The following FOXL2NB variants were observed in gnomAD, a reference collection of about 807,000 sequenced individuals.
FOXL2NB encodes FOXL2 neighbor.
In FOXL2NB, 10 loss-of-function variants were observed where a neutral mutation model predicts 7.4. The observed-to-expected ratio is 1.34, with a 90% confidence interval of 0.83 to 2.28. The LOEUF (loss-of-function observed/expected upper bound fraction) is 2.28, where lower values mean the gene tolerates loss of function less well. Among genes scored for constraint, FOXL2NB ranks in the 30% most tolerant of loss-of-function variants. The pLI is 0.00. For synonymous variants in FOXL2NB, 104 were observed against 105.3 expected, an observed-to-expected ratio of 0.99 and a Z score of 0.08; for missense variants, 228 against 233.9, an observed-to-expected ratio of 0.97 and a Z score of 0.17.
At position 138,949,385 on chromosome 3, in the gene FOXL2NB, C is replaced by CGT. The variant is rs1177287932; in HGVS notation, c.101-135_101-134insGT. The stretch of plus-strand genomic sequence containing the variant: ...CCTTTAAAGAGCCTGTGTGTGTATG[C>CGT]ATGTGCGTGTGTGTGTGTGTGTGTG... On this transcript the variant is annotated intron_variant, in intron 1 of 2. Transcript: ENST00000383165. The surrounding 1 kb of genome is among the most constrained non-coding windows in gnomAD (Gnocchi z 4.5). The CGT allele has an allele frequency of 2.2e-6, 2 of 895,504 alleles. No individual in the cohort carries two copies. Among genetic ancestry groups the CGT allele is most frequent in the Non-Finnish European group, 3.2e-6 (2 of 624,324 alleles). The allele number at this position is 895,504 out of a possible 1,614,324, so 55.5% of individuals were successfully genotyped here.
rs754843453 is a variant in FOXL2NB, at chr3:138,949,759, C to T, written c.220+120C>T. The T allele has an allele frequency of 2.1e-6, 3 of 1,429,760 alleles. No individual in the cohort carries two copies. Among genetic ancestry groups the T allele is most frequent in the Middle Eastern group, 1.7e-4 (1 of 5,762 alleles). The allele number at this position is 1,429,760 out of a possible 1,614,324, so 88.6% of individuals were successfully genotyped here. On this transcript the variant is annotated intron_variant, in intron 2 of 2. Transcript: ENST00000383165. This position sits in a 1 kb window ranked among gnomAD's most constrained non-coding sequence, Gnocchi z 4.5. ...GAGGAATCTAGGGAGAGAACAGAAT[C>T]CTCTCCTTGCCGGCCCAGCCAGAGG... is the stretch of plus-strand genomic sequence containing the variant.
Position 138,950,506 on chromosome 3 carries a change from C to T in FOXL2NB, c.462C>T (p.Thr154=), listed in dbSNP as rs113212570. 9.3e-6 allele frequency: 15 copies of T among 1,614,228 alleles called. No homozygotes were observed. In the African/African-American group the frequency reaches 9.3e-5, roughly 10 times the overall value. ...PERERIELAA[T]LCLEGWPLRC... ...GGGAGAGAATAGAGCTTGCTGCAAC[C>T]CTCTGCTTGGAGGGATGGCCTCTGC... The change falls in exon 3 of 3, where the codon ACC becomes ACT. Residue 154 remains threonine (T), a synonymous_variant. Coordinates refer to ENST00000383165, the MANE Select transcript of FOXL2NB (RefSeq NM_001040061.3).
rs1295225186 is a variant in FOXL2NB at position 138,950,655 on chromosome 3, C to G, written c.*83C>G. On this transcript the variant is annotated 3_prime_UTR_variant, in exon 3 of 3. Coordinates refer to ENST00000383165, the MANE Select transcript of FOXL2NB (RefSeq NM_001040061.3). ...CTCACAGGGCCCTTTGCACCCACAC[C>G]TCAGGGACTCGGTGTCCCTCCACTC... is the stretch of plus-strand genomic sequence containing the variant. 2 of 1,451,782 alleles carry G rather than the reference C, an allele frequency of 1.4e-6. No homozygotes were observed. The highest frequency in any genetic ancestry group is 1.4e-5 in the African/African-American group (1 of 70,164). 89.9% of individuals were successfully genotyped at this position (1,451,782 alleles called of 1,614,324 possible).
At chr3:138,950,148 C>A in intron 2 of FOXL2NB, 117 bp from the exon 3 acceptor site, 1 of 1,118,580 alleles carries the variant, frequency 8.9e-7, no homozygotes, top group Non-Finnish European at 1.3e-6. Context: ...AGTGAACCGC[C>A]GATTGAGCGC....
rs1415706431 is a variant in FOXL2NB at position 138,950,261 on chromosome 3, C to T, written c.221-4C>T. The T allele has an allele frequency of 1.2e-6, 2 of 1,603,856 alleles. No individual in the cohort carries two copies. The highest frequency in any genetic ancestry group is 1.3e-5 in the African/African-American group (1 of 74,208). ...GGCTCTGATACAGACGCTTTTCTCC[C>T]CAGGGCCGGGAATCCTGCAACAGCG... On this transcript the variant is annotated splice_polypyrimidine_tract_variant and splice_region_variant and intron_variant, in intron 2 of 2. Transcript: ENST00000383165.
Position 138,950,978 on chromosome 3 carries a change from C to T in FOXL2NB, c.*406C>T. ...TTGGCCTGTGATTCGGGTGACTGGG[C>T]TGCCACCTGGGTGTTTTCATGATGG... On this transcript the variant is annotated 3_prime_UTR_variant, in exon 3 of 3. Coordinates refer to ENST00000383165, the MANE Select transcript of FOXL2NB (RefSeq NM_001040061.3). The T allele has an allele frequency of 8.3e-6, 2 of 241,890 alleles. No individual in the cohort carries two copies. Among genetic ancestry groups the T allele is most frequent in the East Asian group, 1.6e-4 (1 of 6,096 alleles). 15.0% of individuals were successfully genotyped at this position (241,890 alleles called of 1,614,324 possible). A position where few individuals can be genotyped will look rare whatever the true frequency, so the allele number is the denominator to read the frequency against.
At position 138,949,457 on chromosome 3, in the gene FOXL2NB, T is replaced by A; in HGVS notation, c.101-63T>A. 6.2e-7 allele frequency: 1 copy of A among 1,601,066 alleles called. No individual in the cohort carries two copies. Among genetic ancestry groups the A allele is most frequent in the African/African-American group, 1.3e-5 (1 of 74,330 alleles). ...AATGAAGGAGTTCCTCTGAAGGATT[T>A]TCAGAATAGAAAGGAGTTCTGCTCT... On this transcript the variant is annotated intron_variant, in intron 1 of 2. Coordinates refer to ENST00000383165, the MANE Select transcript of FOXL2NB (RefSeq NM_001040061.3). This position sits in a 1 kb window ranked among gnomAD's most constrained non-coding sequence, Gnocchi z 4.5.
Position 138,949,391 on chromosome 3 carries a change from C to CGTGTGCGTGTGT in FOXL2NB, c.101-124_101-123insCGTGTGTGTGTG, listed in dbSNP as rs1553753220. ...AAGAGCCTGTGTGTGTATGCATGTGCGTGTGTGTGTGTGTGTGTGTGTGTG... is the reference window on the plus strand; with the variant it reads ...AAGAGCCTGTGTGTGTATGCATGTGCGTGTGCGTGTGTGTGTGTGTGTGTGTGTGTGTGTGTG... On this transcript the variant is annotated intron_variant, in intron 1 of 2. Coordinates refer to ENST00000383165, the MANE Select transcript of FOXL2NB (RefSeq NM_001040061.3). The surrounding 1 kb of genome is among the most constrained non-coding windows in gnomAD (Gnocchi z 4.5). 12 of 818,120 alleles carry CGTGTGCGTGTGT rather than the reference C, an allele frequency of 1.5e-5. No individual in the cohort carries two copies. The African/African-American group carries it at 2.0e-4, about 14-fold the overall frequency. The allele number at this position is 818,120 out of a possible 1,614,324, so 50.7% of individuals were successfully genotyped here. A position where few individuals can be genotyped will look rare whatever the true frequency, so the allele number is the denominator to read the frequency against.
Position 138,950,477 on chromosome 3 carries a change from G to A in FOXL2NB, c.433G>A (p.Glu145Lys), listed in dbSNP as rs773110129. Residue 145 changes from glutamate (E) to lysine (K), a missense_variant, in exon 3 of 3, where the codon GAG becomes AAG. Transcript: ENST00000383165. ...AAACACCCGGCGGCTTCCCGCTCCT[G>A]AGCGGGAGAGAATAGAGCTTGCTGC... ...PRNTRRLPAP[E>K]RERIELAATL... 2.5e-6 allele frequency: 4 copies of A among 1,614,198 alleles called. No homozygotes were observed. Among genetic ancestry groups the A allele is most frequent in the East Asian group, 2.2e-5 (1 of 44,886 alleles).
chr3:138,950,201 C>T (rs1214477916), intron 2 of FOXL2NB, 64 bp from the exon 3 acceptor site: 2 of 1,566,840 alleles, frequency 1.3e-6, no homozygotes, highest in Non-Finnish European at 1.7e-6. Context: ...CCCCGCGCCT[C>T]GGAGGTCCCG....
chr3:138,947,317 C>T lies in FOXL2NB; in HGVS notation c.-48C>T. 2 of 1,462,100 alleles carry T rather than the reference C, an allele frequency of 1.4e-6. No homozygotes were observed. The highest frequency in any genetic ancestry group is 1.2e-5 in the South Asian group (1 of 81,228). The allele number at this position is 1,462,100 out of a possible 1,614,324, so 90.6% of individuals were successfully genotyped here. The stretch of plus-strand genomic sequence containing the variant: ...GGGGCCCAGCCGACAGCCAGGCTCA[C>T]GCGCCCTTGAAATCTGCCGGTACTC... On this transcript the variant is annotated 5_prime_UTR_variant, in exon 1 of 3. The change creates a new upstream start codon in the 5' untranslated region. Coordinates refer to ENST00000383165, the MANE Select transcript of FOXL2NB (RefSeq NM_001040061.3). The surrounding 1 kb of genome is among the most constrained non-coding windows in gnomAD (Gnocchi z 5.2).
Position 138,950,929 on chromosome 3 carries a change from A to G in FOXL2NB, c.*357A>G. 3.5e-6 allele frequency: 1 copy of G among 283,568 alleles called. No homozygotes were observed. The highest frequency in any genetic ancestry group is 4.0e-5 in the South Asian group (1 of 24,710). The allele number at this position is 283,568 out of a possible 1,614,324, so 17.6% of individuals were successfully genotyped here. Reference sequence around the variant, plus strand: ...CCAGGTTTACAAGCCTGACTCCGAGAAGCCTGTTGATTCTCTGATGTCCTT... The same window carrying G: ...CCAGGTTTACAAGCCTGACTCCGAGGAGCCTGTTGATTCTCTGATGTCCTT... On this transcript the variant is annotated 3_prime_UTR_variant, in exon 3 of 3. Coordinates refer to ENST00000383165, the MANE Select transcript of FOXL2NB (RefSeq NM_001040061.3).
intron 2 of FOXL2NB, 31 bp from the exon 3 acceptor site, chr3:138,950,234 A>G (rs1345290777): frequency 6.2e-7 from 1 of 1,607,438 alleles, no homozygotes; most frequent in Non-Finnish European, 8.5e-7. Context: ...AGCAATCTAC[A>G]CGGCTCTGAT....
Position 138,950,383 on chromosome 3 carries a change from C to T in FOXL2NB, c.339C>T (p.Leu113=), listed in dbSNP as rs761612537. 2 of 1,612,996 alleles carry T rather than the reference C, an allele frequency of 1.2e-6. No homozygotes were observed. The highest frequency in any genetic ancestry group is 2.2e-5 in the East Asian group (1 of 44,876). The change falls in exon 3 of 3, where the codon CTC becomes CTT. Residue 113 remains leucine (L), a synonymous_variant. Transcript: ENST00000383165. Reference sequence around the variant, plus strand: ...CAGGCAGCGCTTCGCTAGAACCACTCAGCTCGTCCCGCGCCGCCGCCGGCT... The same window carrying T: ...CAGGCAGCGCTTCGCTAGAACCACTTAGCTCGTCCCGCGCCGCCGCCGGCT... The part of the protein sequence containing the change: ...SEAGSASLEP[L]SSSRAAAGCL...
At position 138,949,606 on chromosome 3, in the gene FOXL2NB, A is replaced by G. The variant is rs1313987809; in HGVS notation, c.187A>G (p.Met63Val). ...GIGLPKMCLH[M>V]AVRHSKAQKT... Reference sequence around the variant, plus strand: ...CGGTCTCCCCAAGATGTGCCTTCACATGGCTGTCCGGCATTCGAAGGCTCA... The same window carrying G: ...CGGTCTCCCCAAGATGTGCCTTCACGTGGCTGTCCGGCATTCGAAGGCTCA... Residue 63 changes from methionine (M) to valine (V), a missense_variant, in exon 2 of 3, where the codon ATG becomes GTG. Met to Val is a conservative substitution (Grantham distance 21). Transcript: ENST00000383165. The surrounding 1 kb of genome is among the most constrained non-coding windows in gnomAD (Gnocchi z 4.5). 6 of 1,613,756 alleles carry G rather than the reference A, an allele frequency of 3.7e-6. No homozygotes were observed. In the African/African-American group the frequency reaches 6.7e-5, roughly 18 times the overall value.
At position 138,949,734 on chromosome 3, in the gene FOXL2NB, G is replaced by A; in HGVS notation, c.220+95G>A. 2 of 1,557,360 alleles carry A rather than the reference G, an allele frequency of 1.3e-6. No homozygotes were observed. Among genetic ancestry groups the A allele is most frequent in the Non-Finnish European group, 1.8e-6 (2 of 1,134,172 alleles). On this transcript the variant is annotated intron_variant, in intron 2 of 2. Transcript: ENST00000383165. The surrounding 1 kb of genome is among the most constrained non-coding windows in gnomAD (Gnocchi z 4.5). Reference sequence around the variant, plus strand: ...AGCCAGGGGCTTCGGGCTGGAGATAGAGGAATCTAGGGAGAGAACAGAATC... The same window carrying A: ...AGCCAGGGGCTTCGGGCTGGAGATAAAGGAATCTAGGGAGAGAACAGAATC...
rs1936018784 is a variant in FOXL2NB at position 138,947,718 on chromosome 3, G to A, written c.100+254G>A. On this transcript the variant is annotated intron_variant, in intron 1 of 2. Transcript: ENST00000383165. The surrounding 1 kb of genome is among the most constrained non-coding windows in gnomAD (Gnocchi z 5.2). ...GGGGAGAGGATCTCTGGAAATAGTC[G>A]TCAGGGGCGCCGCCTGAATCACCTC... 1 of 1,225,604 alleles carries A rather than the reference G, an allele frequency of 8.2e-7. No homozygotes were observed. Among genetic ancestry groups the A allele is most frequent in the Non-Finnish European group, 1.0e-6 (1 of 981,876 alleles). 75.9% of individuals were successfully genotyped at this position (1,225,604 alleles called of 1,614,324 possible).
At position 138,950,513 on chromosome 3, in the gene FOXL2NB, T is replaced by G. The variant is rs761023148; in HGVS notation, c.469T>G (p.Leu157Val). Reference protein sequence around the residue: ...ERIELAATLCLEGWPLRCLAS... With the variant: ...ERIELAATLCVEGWPLRCLAS... Reference sequence around the variant, plus strand: ...AATAGAGCTTGCTGCAACCCTCTGCTTGGAGGGATGGCCTCTGCGGTGCTT... The same window carrying G: ...AATAGAGCTTGCTGCAACCCTCTGCGTGGAGGGATGGCCTCTGCGGTGCTT... The change falls in exon 3 of 3, where the codon TTG becomes GTG. Residue 157 changes from leucine to valine, a missense_variant. By Grantham distance (32) the Leu-to-Val change is conservative. Transcript: ENST00000383165. 2.5e-6 allele frequency: 4 copies of G among 1,614,212 alleles called. No homozygotes were observed. In the South Asian group the frequency reaches 4.4e-5, roughly 18 times the overall value.
chr3:138,947,755 G>A lies in FOXL2NB; in HGVS notation c.100+291G>A. The A allele has an allele frequency of 8.7e-7, 1 of 1,148,368 alleles. No homozygotes were observed. The highest frequency in any genetic ancestry group is 1.1e-6 in the Non-Finnish European group (1 of 933,764). 71.1% of individuals were successfully genotyped at this position (1,148,368 alleles called of 1,614,324 possible). A position where few individuals can be genotyped will look rare whatever the true frequency, so the allele number is the denominator to read the frequency against. On this transcript the variant is annotated intron_variant, in intron 1 of 2. Coordinates refer to ENST00000383165, the MANE Select transcript of FOXL2NB (RefSeq NM_001040061.3). This position sits in a 1 kb window ranked among gnomAD's most constrained non-coding sequence, Gnocchi z 5.2. ...GCCTGAATCACCTCTGCCTCTCCCT[G>A]CGTTACCAGTGGATCTAGGAACCAG...
Sources: gnomAD v4.1 joint callset for allele counts on GRCh38, gnomAD v4.1.1 for gene constraint, Gnocchi (gnomAD v3.1) non-coding constraint, MANE v1.5 for transcripts, NCBI Gene and HGNC (gene_info 2026-07-23, HGNC 2026-07-21) for gene names.